Variants in CDR2 observed in about 807,000 individuals in gnomAD.
The protein encoded by CDR2 is cerebellar degeneration-related protein 2.
A neutral mutation model predicts 48.4 loss-of-function variants in CDR2; 34 were observed. The observed-to-expected ratio is 0.70, with a 90% CI of 0.53 to 0.94. The LOEUF is 0.94. CDR2 is among the 40% of genes least tolerant of loss of function. CDR2 has a pLI of 0.00. For synonymous variants in CDR2, 240 were observed against 219.7 expected, an observed-to-expected ratio of 1.09 and a Z score of -0.82; for missense variants, 498 against 549.5, an observed-to-expected ratio of 0.91 and a Z score of 0.94.
chr16:22,371,933 A>G (rs528746808), intron 1 of CDR2, among the ~76,000 whole-genome samples: 50 of 151,816 alleles, frequency 3.3e-4, no homozygotes, highest in African/African-American at 6.5e-4. Context: ...GTGCAATAGC[A>G]CGATCTCAGC....
chr16:22,347,822 G>A lies in CDR2; in HGVS notation c.508C>T (p.His170Tyr), dbSNP rs2048917632. ...GCGAACACATGATCATACACGAAGT[G>A]TCTAGGGAAAAAAATATTGAAAGAA... The part of the protein sequence containing the change: ...CLKELYDLRQ[H>Y]FVYDHVFAEK... Residue 170 changes from histidine to tyrosine, a missense_variant and splice_region_variant, in exon 5 of 5, where the codon CAC becomes TAC. Transcript: ENST00000268383. The A allele has an allele frequency of 6.2e-7, 1 of 1,602,090 alleles. No homozygotes were observed. The highest frequency in any genetic ancestry group is 8.5e-7 in the Non-Finnish European group (1 of 1,173,428).
intron 1 of CDR2, among the ~76,000 whole-genome samples, chr16:22,373,937 G>A (rs2049097751): frequency 1.3e-5 from 2 of 152,246 alleles, no homozygotes; most frequent in East Asian, 3.8e-4. Flanking sequence ...GGAATGCAGT[G>A]AGGATTAAAC....
At chr16:22,357,880 G>C (rs1222180138) in intron 2 of CDR2, among the ~76,000 whole-genome samples, 2 of 152,226 alleles carry the variant, frequency 1.3e-5, no homozygotes, top group African/African-American at 4.8e-5. Flanking sequence ...TTAAGAACTT[G>C]TGATATTTTG....
intron 2 of CDR2, among the ~76,000 whole-genome samples, chr16:22,362,202 A>C (rs1026034958): frequency 1.3e-5 from 2 of 152,162 alleles, no homozygotes; most frequent in African/African-American, 4.8e-5. Flanking sequence ...CACCCGGCTG[A>C]ATTTTATACC....
chr16:22,353,469 G>A (rs2048955685), intron 2 of CDR2, among the ~76,000 whole-genome samples: 1 of 152,170 alleles, frequency 6.6e-6, no homozygotes, highest in South Asian at 2.1e-4. Context: ...AGATAAATAT[G>A]TGTGTGGGAG....
At chr16:22,361,179 C>A (rs1049597807) in intron 2 of CDR2, among the ~76,000 whole-genome samples, 6 of 152,160 alleles carry the variant, frequency 3.9e-5, no homozygotes, top group African/African-American at 1.4e-4. Context: ...GGGTGGTGAC[C>A]AGATGAGCTG....
At chr16:22,367,614 T>C (rs1213792825) in intron 1 of CDR2, among the ~76,000 whole-genome samples, 1 of 152,222 alleles carries the variant, frequency 6.6e-6, no homozygotes, top group Non-Finnish European at 1.5e-5. Context: ...ATAATGATTT[T>C]TAAACTTAAT....
At chr16:22,371,848 A>ATGTGTGTGTGTGTGTG (rs56274013) in intron 1 of CDR2, among the ~76,000 whole-genome samples, 1 of 148,446 alleles carries the variant, frequency 6.7e-6, no homozygotes, top group African/African-American at 2.5e-5. Flanking sequence ...AGGTTCAGAT[A>ATGTGTGTGTGTGTGTG]TGTGTGTGTG....
At chr16:22,373,062 G>T (rs997848873) in intron 1 of CDR2, among the ~76,000 whole-genome samples, 3 of 152,164 alleles carry the variant, frequency 2.0e-5, no homozygotes, top group Non-Finnish European at 4.4e-5. Flanking sequence ...GTTTGCTCTG[G>T]AGTCTTAAGG....
intron 1 of CDR2, among the ~76,000 whole-genome samples, chr16:22,370,732 C>T (rs1467288508): frequency 6.6e-6 from 1 of 152,172 alleles, no homozygotes; most frequent in East Asian, 1.9e-4. Context: ...AAAAGCTTTA[C>T]ATGTTTCTAA....
intron 1 of CDR2, among the ~76,000 whole-genome samples, chr16:22,366,041 G>GTTGCAAT (rs2049042961): frequency 6.6e-6 from 1 of 152,176 alleles, no homozygotes; most frequent in African/African-American, 2.4e-5. Flanking sequence ...TACAAACTAA[G>GTTGCAAT]TTGCAATACG....
intron 2 of CDR2, among the ~76,000 whole-genome samples, chr16:22,358,205 GA>G (rs2048988894): frequency 6.6e-6 from 1 of 152,100 alleles, no homozygotes; most frequent in Non-Finnish European, 1.5e-5. Flanking sequence ...TCAAGGTACA[GA>G]CATGCTGCTG....
intron 2 of CDR2, among the ~76,000 whole-genome samples, chr16:22,359,255 T>C (rs1205161626): frequency 6.6e-6 from 1 of 151,988 alleles, no homozygotes; most frequent in Non-Finnish European, 1.5e-5. Flanking sequence ...GCCTCCTGAG[T>C]AGCTGGGATT....
chr16:22,362,136 C>T (rs376690267), intron 2 of CDR2, among the ~76,000 whole-genome samples: 3 of 152,170 alleles, frequency 2.0e-5, no homozygotes, highest in East Asian at 3.9e-4. Context: ...TTCCTGACCT[C>T]GTGATCCACC....
chr16:22,365,133 G>C, intron 1 of CDR2, 119 bp from the exon 2 acceptor site: 2 of 657,972 alleles, frequency 3.0e-6, no homozygotes, highest in Non-Finnish European at 2.6e-6. Flanking sequence ...AGGTGGAGTG[G>C]CACAGAAGGA....
intron 2 of CDR2, among the ~76,000 whole-genome samples, chr16:22,359,158 C>T (rs35179124): frequency 2.6e-5 from 4 of 151,872 alleles, no homozygotes; most frequent in Non-Finnish European, 4.4e-5. Flanking sequence ...GACGGAGTCT[C>T]GCTTTTTTGC....
intron 2 of CDR2, among the ~76,000 whole-genome samples, chr16:22,355,023 T>C (rs1475014077): frequency 6.6e-6 from 1 of 152,230 alleles, no homozygotes; most frequent in East Asian, 1.9e-4. Flanking sequence ...CAGCCAATCT[T>C]ATTTCATCTC....
rs748231410 is a variant in CDR2 at position 22,349,854 on chromosome 16, AAGAG to A, written c.193-9_193-6del. ...TTCCACTTGCTTCGTCAGATACTGT[AAGAG>A]AAGATCAGGACCAGGTGACACAAAC... is the stretch of plus-strand genomic sequence containing the variant. On this transcript the variant is annotated splice_polypyrimidine_tract_variant and splice_region_variant and intron_variant, in intron 2 of 4. Coordinates refer to ENST00000268383, the MANE Select transcript of CDR2 (RefSeq NM_001802.2). The A allele has an allele frequency of 1.9e-6, 3 of 1,613,980 alleles. No homozygotes were observed. The African/African-American group carries it at 4.0e-5, about 22-fold the overall frequency.
chr16:22,359,443 A>G (rs2048997335), intron 2 of CDR2, among the ~76,000 whole-genome samples: 1 of 152,190 alleles, frequency 6.6e-6, no homozygotes, highest in Non-Finnish European at 1.5e-5. Flanking sequence ...AAATTCTTAA[A>G]ACATTGGTAA....
Sources: gnomAD v4.1 joint callset for allele counts (sites outside exome capture counted in the v4.1 genomes callset) on GRCh38, gnomAD v4.1.1 for gene constraint, MANE v1.5 for transcripts, NCBI Gene and HGNC (gene_info 2026-07-23, HGNC 2026-07-21) for gene names.